Variants in DDC observed in about 807,000 individuals in gnomAD.
The protein encoded by DDC is aromatic-L-amino-acid decarboxylase.
In DDC, 43 loss-of-function variants were observed where a neutral mutation model predicts 60.0. The ratio of observed to expected loss-of-function variants is 0.72; its 90% CI spans 0.56 to 0.92. The LOEUF is 0.92. DDC is among the 40% of genes least tolerant of loss of function. DDC has a pLI of 0.00. For synonymous variants in DDC, 232 were observed against 234.6 expected, an observed-to-expected ratio of 0.99 and a Z score of 0.10; for missense variants, 573 against 620.2, an observed-to-expected ratio of 0.92 and a Z score of 0.81.
chr7:50,558,083 C>A (rs1008268088), intron 1 of DDC, among the ~76,000 whole-genome samples: 1 of 151,772 alleles, frequency 6.6e-6, no homozygotes, highest in Admixed American at 6.6e-5. Context: ...AATCACCCCC[C>A]CCCTTACAAA....
chr7:50,491,342 C>T (rs531043814), intron 9 of DDC, among the ~76,000 whole-genome samples: 1 of 151,010 alleles, frequency 6.6e-6, no homozygotes, highest in East Asian at 1.9e-4. Flanking sequence ...CTCTCTCTTC[C>T]TCCACCTATT....
At chr7:50,492,416 A>G (rs1179258191) in intron 9 of DDC, among the ~76,000 whole-genome samples, 1 of 152,196 alleles carries the variant, frequency 6.6e-6, no homozygotes, top group East Asian at 1.9e-4. Context: ...ATCTCACCAA[A>G]TTCTTTGACT....
Position 50,470,136 on chromosome 7 carries a change from A to T in DDC, c.1077T>A (p.Ser359=), listed in dbSNP as rs1186980091. ...WQIPLGRRFR[S]LKMWFVFRMY... ...TCCTAAATACAAACCACATTTTCAA[A>T]GAGCGAAATCTTCTGCCCAGTGGTA... Residue 359 remains serine (S), a synonymous_variant, in exon 12 of 15, where the codon TCT becomes TCA. Transcript: ENST00000444124. 6.2e-7 allele frequency: 1 copy of T among 1,613,646 alleles called. No individual in the cohort carries two copies. The highest frequency in any genetic ancestry group is 1.7e-5 in the Admixed American group (1 of 60,014).
At position 50,475,666 on chromosome 7, in the gene DDC, G is replaced by T. The variant is rs143093600; in HGVS notation, c.1041+958C>A. 2.1e-3 allele frequency among the ~76,000 whole-genome samples: 320 copies of T among 150,916 alleles called. 4 individuals carry two copies. The highest frequency in any genetic ancestry group is 7.5e-3 in the African/African-American group (308 of 41,014). Reference sequence around the variant, plus strand: ...GGCAGCCTCTGCTTTGATGATGTCTGGTGCCCACCACACGTGGACACAGGT... The same window carrying T: ...GGCAGCCTCTGCTTTGATGATGTCTTGTGCCCACCACACGTGGACACAGGT... On this transcript the variant is annotated intron_variant, in intron 11 of 14. Coordinates refer to ENST00000444124, the MANE Select transcript of DDC (RefSeq NM_001082971.2).
intron 1 of DDC, among the ~76,000 whole-genome samples, chr7:50,545,236 C>T (rs2044762790): frequency 2.6e-5 from 4 of 152,206 alleles, no homozygotes; most frequent in Admixed American, 2.6e-4. Flanking sequence ...CTACGCTACA[C>T]ATATGTACGT....
intron 1 of DDC, among the ~76,000 whole-genome samples, chr7:50,546,215 G>A (rs1353608138): frequency 6.6e-6 from 1 of 152,090 alleles, no homozygotes; most frequent in African/African-American, 2.4e-5. Flanking sequence ...AACAATTTTT[G>A]TGAGGTTAAA....
intron 8 of DDC, among the ~76,000 whole-genome samples, chr7:50,498,568 A>G (rs187587954): frequency 2.6e-5 from 4 of 152,336 alleles, no homozygotes; most frequent in African/African-American, 9.6e-5. Context: ...GTCTGTACCA[A>G]TTTACATTCT....
intron 11 of DDC, among the ~76,000 whole-genome samples, chr7:50,472,679 G>C (rs1033059168): frequency 3.3e-5 from 5 of 152,160 alleles, no homozygotes; most frequent in African/African-American, 1.2e-4. Context: ...GAGGCAAATG[G>C]TGCTGTCTTA....
At chr7:50,489,413 G>A (rs374542231) in intron 9 of DDC, among the ~76,000 whole-genome samples, 9 of 152,230 alleles carry the variant, frequency 5.9e-5, no homozygotes, top group South Asian at 4.2e-4. Flanking sequence ...AAAGTCCTAC[G>A]AAAACTGAGA....
At chr7:50,553,197 C>T (rs1465749874) in intron 1 of DDC, among the ~76,000 whole-genome samples, 3 of 152,324 alleles carry the variant, frequency 2.0e-5, no homozygotes, top group Non-Finnish European at 4.4e-5. Context: ...TGTTCATGCA[C>T]GCAAGACATG....
chr7:50,561,215 G>C (rs111589730), intron 1 of DDC: 1 of 152,184 alleles, frequency 6.6e-6, no homozygotes, highest in African/African-American at 2.4e-5. Context: ...CTGCCCCCAG[G>C]GGGAGAGAGC....
intron 9 of DDC, chr7:50,492,566 T>G: frequency 2.1e-6 from 1 of 466,458 alleles, no homozygotes; most frequent in Non-Finnish European, 3.0e-6. Flanking sequence ...GCCCCACCAC[T>G]GTCGCCCACT....
At chr7:50,543,523 A>C in intron 2 of DDC, 1 of 353,336 alleles carries the variant, frequency 2.8e-6, no homozygotes. Flanking sequence ...ATTTGGGGCA[A>C]TTGACTTATT....
At position 50,460,261 on chromosome 7, in the gene DDC, C is replaced by T. The variant is rs552057792; in HGVS notation, c.*19-1418G>A. On this transcript the variant is annotated intron_variant, in intron 14 of 14. Transcript: ENST00000444124. ...GGGGTCAGCCCCTGGCCCAGCCTGC[C>T]GCCCCGTCCGGGAGGTGAGGGGCGC... 6.7e-4 allele frequency among the ~76,000 whole-genome samples: 99 copies of T among 146,770 alleles called. 3 individuals are homozygous for T. The highest frequency in any genetic ancestry group is 2.0e-3 in the African/African-American group (78 of 38,890).
chr7:50,553,603 C>T (rs575074623), intron 1 of DDC, among the ~76,000 whole-genome samples: 1 of 150,604 alleles, frequency 6.6e-6, no homozygotes, highest in African/African-American at 2.4e-5. Context: ...TCTCCTGCCT[C>T]AGCCTCCTGA....
At chr7:50,513,068 C>T (rs551568506) in intron 6 of DDC, among the ~76,000 whole-genome samples, 22 of 152,168 alleles carry the variant, frequency 1.4e-4, no homozygotes, top group Non-Finnish European at 2.6e-4. Flanking sequence ...ACTGCAAGAA[C>T]AAACCAGCAA....
chr7:50,495,517 T>C, intron 8 of DDC, 100 bp from the exon 9 acceptor site: 1 of 963,822 alleles, frequency 1.0e-6, no homozygotes, highest in Non-Finnish European at 1.6e-6. Context: ...ATGGCACAAC[T>C]AATCCACAGT....
Position 50,529,319 on chromosome 7 carries a change from C to T in DDC, c.459G>A (p.Leu153=), listed in dbSNP as rs780705506. ...TGGTCCGAGCGGCCAGCAGGGCCAC[C>T]AGGGTGGCTTCACTGGCACTTCCCT... is the stretch of plus-strand genomic sequence containing the variant. ...VIQGSASEAT[L]VALLAARTKV... The change falls in exon 5 of 15, where the codon CTG becomes CTA. Residue 153 remains leucine (L), a synonymous_variant. Coordinates refer to ENST00000444124, the MANE Select transcript of DDC (RefSeq NM_001082971.2). 31 of 1,614,202 alleles carry T rather than the reference C, an allele frequency of 1.9e-5. No individual in the cohort carries two copies. The highest frequency in any genetic ancestry group is 2.5e-5 in the Non-Finnish European group (30 of 1,180,040).
chr7:50,478,742 A>G (rs751078913), intron 10 of DDC, among the ~76,000 whole-genome samples: 7 of 152,228 alleles, frequency 4.6e-5, no homozygotes, highest in Admixed American at 3.9e-4. Flanking sequence ...GTGCCTCATA[A>G]GATGTAAAAC....
Sources: allele counts gnomAD v4.1 joint callset (sites outside exome capture counted in the v4.1 genomes callset), GRCh38; gene constraint gnomAD v4.1.1; transcripts MANE v1.5; gene names NCBI Gene and HGNC (gene_info 2026-07-23, HGNC 2026-07-21).